Variants in CMTM8 observed in about 807,000 individuals in gnomAD.
CMTM8 encodes the protein CKLF-like MARVEL transmembrane domain-containing protein 8.
A neutral mutation model predicts 18.6 loss-of-function variants in CMTM8; 12 were observed. The observed-to-expected ratio is 0.65, with a 90% CI of 0.41 to 1.05. CMTM8 has a LOEUF of 1.05. CMTM8 is among the 50% of genes least tolerant of loss of function. The probability of loss-of-function intolerance (pLI) is 0.00; values close to 1 mark genes in which losing one functional copy is unlikely to be tolerated. For synonymous variants in CMTM8, 87 were observed against 90.6 expected, an observed-to-expected ratio of 0.96 and a Z score of 0.23; for missense variants, 217 against 227.2, an observed-to-expected ratio of 0.95 and a Z score of 0.29.
chr3:32,345,077 C>T lies in CMTM8; in HGVS notation c.148-12296C>T, dbSNP rs181710573. Among the ~76,000 whole-genome samples, 81 of 152,256 alleles carry T rather than the reference C, an allele frequency of 5.3e-4. No homozygotes were observed. The East Asian group carries it at 5.6e-3, about 11-fold the overall frequency. Reference sequence around the variant, plus strand: ...TCTTCAGGCTGGGCATGGTGGCTCACGCCTGTAATCCTGTAATAGGATTTG... The same window carrying T: ...TCTTCAGGCTGGGCATGGTGGCTCATGCCTGTAATCCTGTAATAGGATTTG... On this transcript the variant is annotated intron_variant, in intron 1 of 3. Coordinates refer to ENST00000307526, the MANE Select transcript of CMTM8 (RefSeq NM_178868.5).
At chr3:32,298,914 T>TAC (rs35844853) in intron 1 of CMTM8, among the ~76,000 whole-genome samples, 6 of 131,430 alleles carry the variant, frequency 4.6e-5, no homozygotes, top group African/African-American at 5.8e-5. Context: ...CACACACACA[T>TAC]ACACACACAC....
At chr3:32,329,875 G>C (rs926175057) in intron 1 of CMTM8, among the ~76,000 whole-genome samples, 6 of 152,098 alleles carry the variant, frequency 3.9e-5, no homozygotes, top group Non-Finnish European at 8.8e-5. Context: ...CAAAAAAGCT[G>C]CTCAACTAAT....
intron 1 of CMTM8, among the ~76,000 whole-genome samples, chr3:32,341,834 C>CG (rs1696502604): frequency 6.8e-6 from 1 of 147,414 alleles, no homozygotes; most frequent in East Asian, 2.1e-4. Context: ...CCAAGGTTGC[C>CG]GCTGCACTCT....
chr3:32,338,408 G>A (rs1187438777), intron 1 of CMTM8, among the ~76,000 whole-genome samples: 1 of 152,044 alleles, frequency 6.6e-6, no homozygotes, highest in African/African-American at 2.4e-5. Flanking sequence ...AGTACCCTAG[G>A]GCCACTACTG....
chr3:32,301,160 G>T (rs1050511105), intron 1 of CMTM8, among the ~76,000 whole-genome samples: 4 of 152,012 alleles, frequency 2.6e-5, no homozygotes, highest in African/African-American at 7.2e-5. Flanking sequence ...ACATTAACCC[G>T]GTTTGTTTCT....
rs76203382 is a variant in CMTM8, at chr3:32,343,637, G to A, written c.148-13736G>A. 1.2e-4 allele frequency among the ~76,000 whole-genome samples: 19 copies of A among 152,316 alleles called. No homozygotes were observed. The East Asian group carries it at 3.5e-3, about 28-fold the overall frequency. ...GCTTATAATTAAATGTCAACTGGGG[G>A]CAGAGACCATGTCTTTTTTTCCCCA... On this transcript the variant is annotated intron_variant, in intron 1 of 3. Transcript: ENST00000307526.
intron 1 of CMTM8, chr3:32,259,886 A>T (rs1022194996): frequency 2.1e-6 from 2 of 932,850 alleles, no homozygotes; most frequent in African/African-American, 3.2e-5. Context: ...GAGAAATGTG[A>T]AGGCCAGCCT....
chr3:32,266,680 G>A (rs2125541038), intron 1 of CMTM8, among the ~76,000 whole-genome samples: 1 of 152,290 alleles, frequency 6.6e-6, no homozygotes, highest in South Asian at 2.1e-4. Context: ...GTTTGCAGAT[G>A]ACATGATTGT....
intron 2 of CMTM8, among the ~76,000 whole-genome samples, chr3:32,361,291 T>TTTTTTG (rs1314833356): frequency 6.7e-6 from 1 of 148,534 alleles, no homozygotes. Flanking sequence ...TAAGAGTTTT[T>TTTTTTG]TTTTCTTTCA....
At chr3:32,340,044 C>T (rs905597598) in intron 1 of CMTM8, among the ~76,000 whole-genome samples, 3 of 152,092 alleles carry the variant, frequency 2.0e-5, no homozygotes, top group Admixed American at 6.6e-5. Flanking sequence ...TTTGCCCTTC[C>T]AAGTCTTTGT....
intron 2 of CMTM8, among the ~76,000 whole-genome samples, chr3:32,365,329 AT>A (rs1356240053): frequency 1.3e-5 from 2 of 151,784 alleles, no homozygotes; most frequent in African/African-American, 4.8e-5. Flanking sequence ...GAAAGAGAAC[AT>A]TTTTATACCA....
Position 32,346,737 on chromosome 3 carries a change from A to T in CMTM8, c.148-10636A>T, listed in dbSNP as rs6767962. On this transcript the variant is annotated intron_variant, in intron 1 of 3. Transcript: ENST00000307526. The stretch of plus-strand genomic sequence containing the variant: ...TCACACTGGGATTTAGGGGTTCAAC[A>T]TATGGATTTGGGAAGCACACGTTTG... 4.9e-3 allele frequency among the ~76,000 whole-genome samples: 742 copies of T among 152,178 alleles called. 5 individuals are homozygous for T. The highest frequency in any genetic ancestry group is 0.017 in the African/African-American group (716 of 41,500).
At chr3:32,281,614 A>T (rs1702611989) in intron 1 of CMTM8, among the ~76,000 whole-genome samples, 1 of 152,098 alleles carries the variant, frequency 6.6e-6, no homozygotes, top group Admixed American at 6.6e-5. Flanking sequence ...TCCACCTTGC[A>T]GCAAAACTTC....
chr3:32,345,100 T>A (rs941505974), intron 1 of CMTM8, among the ~76,000 whole-genome samples: 1 of 152,130 alleles, frequency 6.6e-6, no homozygotes, highest in Admixed American at 6.5e-5. Flanking sequence ...GTAATAGGAT[T>A]TGGGAGGCCG....
At chr3:32,264,282 T>G (rs1245264768) in intron 1 of CMTM8, among the ~76,000 whole-genome samples, 3 of 152,008 alleles carry the variant, frequency 2.0e-5, no homozygotes, top group African/African-American at 7.3e-5. Flanking sequence ...CAGAAGAGAG[T>G]GGGGGTCAAT....
intron 1 of CMTM8, among the ~76,000 whole-genome samples, chr3:32,314,866 G>T (rs1010842059): frequency 4.0e-5 from 6 of 148,640 alleles, no homozygotes; most frequent in Non-Finnish European, 7.5e-5. Flanking sequence ...GGCGGGGGGG[G>T]TCCAACTGAG....
chr3:32,346,798 T>C (rs1308234929), intron 1 of CMTM8, among the ~76,000 whole-genome samples: 1 of 150,918 alleles, frequency 6.6e-6, no homozygotes, highest in Non-Finnish European at 1.5e-5. Flanking sequence ...AAGCTTCCTT[T>C]CTCCATGTTA....
At chr3:32,365,248 C>G (rs1192891618) in intron 2 of CMTM8, among the ~76,000 whole-genome samples, 2 of 151,026 alleles carry the variant, frequency 1.3e-5, no homozygotes, top group East Asian at 3.9e-4. Context: ...TGAGATTTAT[C>G]TTAATATGTC....
At chr3:32,258,893 C>T (rs546594714) in intron 1 of CMTM8, 66 of 250,680 alleles carry the variant, frequency 2.6e-4, no homozygotes, top group African/African-American at 1.5e-3. Context: ...GTCGGCAAAG[C>T]CTGAGTTCTG....
Sources: allele counts gnomAD v4.1 joint callset (sites outside exome capture counted in the v4.1 genomes callset), GRCh38; gene constraint gnomAD v4.1.1; transcripts MANE v1.5; gene names NCBI Gene and HGNC (gene_info 2026-07-23, HGNC 2026-07-21).